SYT14: variants seen among roughly 807,000 people sequenced by gnomAD.
SYT14 encodes the protein synaptotagmin-14.
Under a neutral mutation model 74.2 loss-of-function variants are expected in SYT14, and 32 were observed. The ratio of observed to expected loss-of-function variants is 0.43; its 90% CI spans 0.33 to 0.58. The LOEUF (loss-of-function observed/expected upper bound fraction) is 0.58, where lower values mean the gene tolerates loss of function less well. Ranked by LOEUF, SYT14 falls within the 20% of genes least tolerant of loss-of-function variation. The pLI is 0.05. For synonymous variants in SYT14, 298 were observed against 337.7 expected (o/e 0.88, Z 1.29); for missense variants, 791 against 981.8 (o/e 0.81, Z 2.60).
At chr1:210,094,352 C>T (rs2081930514) in exon 6 of SYT14, 2 of 1,613,598 alleles carry the variant, frequency 1.2e-6, no homozygotes, top group Non-Finnish European at 8.5e-7. Context: ...AGAAGAACAC[C>T]CCCGCTGGAT....
At chr1:210,121,358 A>G (rs2082457698) in intron 7 of SYT14, among the ~76,000 whole-genome samples, 1 of 152,214 alleles carries the variant, frequency 6.6e-6, no homozygotes, top group African/African-American at 2.4e-5. Context: ...TTCAAGTTTC[A>G]AAATCAGAAG....
At chr1:209,966,555 A>G (rs905228118) in intron 2 of SYT14, among the ~76,000 whole-genome samples, 7 of 152,222 alleles carry the variant, frequency 4.6e-5, no homozygotes, top group East Asian at 1.9e-4. Context: ...AGTCTTAAAC[A>G]TTTGATCAGA....
exon 10 of SYT14, chr1:210,164,901 A>C (rs759895437): frequency 2.0e-5 from 3 of 152,132 alleles, no homozygotes; most frequent in Non-Finnish European, 4.4e-5. Context: ...TGTCAACCAT[A>C]TTTAATATTG....
chr1:209,969,750 A>T (rs1329458177), intron 2 of SYT14, among the ~76,000 whole-genome samples: 1 of 152,002 alleles, frequency 6.6e-6, no homozygotes, highest in Non-Finnish European at 1.5e-5. Flanking sequence ...AAGTACTGGG[A>T]TTACAGGCGT....
chr1:210,073,397 A>T (rs1482302456), intron 5 of SYT14, among the ~76,000 whole-genome samples: 1 of 152,016 alleles, frequency 6.6e-6, no homozygotes, highest in Admixed American at 6.5e-5. Context: ...AATTGCTACT[A>T]TTTCAACCAT....
intron 5 of SYT14, among the ~76,000 whole-genome samples, chr1:210,091,716 T>C (rs1472178501): frequency 2.0e-5 from 3 of 152,178 alleles, no homozygotes; most frequent in South Asian, 4.1e-4. Context: ...TCCTGGATCC[T>C]ACATTGTTTA....
rs1191716469 is a variant in SYT14 at position 209,962,844 on chromosome 1, C to T, written c.-486+10088C>T. 5.3e-5 allele frequency among the ~76,000 whole-genome samples: 8 copies of T among 152,198 alleles called. No individual in the cohort carries two copies. The East Asian group carries it at 1.5e-3, about 29-fold the overall frequency. On this transcript the variant is annotated intron_variant, in intron 2 of 9. Transcript: ENST00000637265. ...CTATGAGAGCCCATCCTGTACCTCA[C>T]TAAGTTCTCCTTTACTCTGAAAAAG...
chr1:210,100,552 T>G (rs1278670375), intron 7 of SYT14, 91 bp downstream of exon 6: 4 of 1,295,568 alleles, frequency 3.1e-6, no homozygotes, highest in Non-Finnish European at 3.3e-6. Flanking sequence ...GCCAACAAGT[T>G]TGTCAGTCTA....
At chr1:209,973,228 T>C (rs190540081) in intron 2 of SYT14, among the ~76,000 whole-genome samples, 3 of 152,326 alleles carry the variant, frequency 2.0e-5, no homozygotes, top group African/African-American at 4.8e-5. Flanking sequence ...TTTTTTATTA[T>C]ACTTTAAGTT....
chr1:210,141,684 G>T (rs1406029129), intron 7 of SYT14, among the ~76,000 whole-genome samples: 5 of 152,202 alleles, frequency 3.3e-5, no homozygotes, highest in Non-Finnish European at 7.4e-5. Flanking sequence ...CAACTGGACA[G>T]AGATTTCATT....
intron 5 of SYT14, among the ~76,000 whole-genome samples, chr1:210,068,555 TATTGA>T (rs2102435048): frequency 6.6e-6 from 1 of 151,942 alleles, no homozygotes; most frequent in African/African-American, 2.4e-5. Flanking sequence ...GATAGATTTT[TATTGA>T]TTTAATACTT....
chr1:210,043,143 G>A lies in SYT14; in HGVS notation c.1312+21889G>A, dbSNP rs116737138. ...GTGAATGGGAGTTCACTCATGATTT[G>A]GCTCTCTGCAGGGGCAGATTGTAGA... On this transcript the variant is annotated intron_variant, in intron 5 of 9. Coordinates refer to ENST00000637265, the Ensembl canonical transcript of SYT14. Among the ~76,000 whole-genome samples, 475 of 152,192 alleles carry A rather than the reference G, an allele frequency of 3.1e-3. 2 individuals are homozygous for A. Among genetic ancestry groups the A allele is most frequent in the African/African-American group, 0.011 (439 of 41,528 alleles).
chr1:210,128,833 T>C (rs1558208960), intron 7 of SYT14, among the ~76,000 whole-genome samples: 1 of 152,204 alleles, frequency 6.6e-6, no homozygotes, highest in Non-Finnish European at 1.5e-5. Flanking sequence ...TCAGAACCAC[T>C]GATACATAAA....
At chr1:210,014,892 T>C (rs1198075575) in intron 3 of SYT14, among the ~76,000 whole-genome samples, 3 of 152,096 alleles carry the variant, frequency 2.0e-5, no homozygotes, top group Admixed American at 2.0e-4. Context: ...TTTTAAATTT[T>C]ATTGAGTAGT....
At chr1:210,042,070 A>G (rs963332809) in intron 5 of SYT14, among the ~76,000 whole-genome samples, 1 of 151,976 alleles carries the variant, frequency 6.6e-6, no homozygotes, top group Non-Finnish European at 1.5e-5. Context: ...TTCTGAGTGC[A>G]TTCTACAGTT....
chr1:210,021,531 A>G (rs2080303698), intron 5 of SYT14, among the ~76,000 whole-genome samples: 2 of 152,250 alleles, frequency 1.3e-5, no homozygotes, highest in African/African-American at 2.4e-5. Flanking sequence ...CAAGCATGAT[A>G]TGAAAGATGT....
At chr1:210,009,756 G>A (rs553135931) in intron 2 of SYT14, among the ~76,000 whole-genome samples, 1 of 152,158 alleles carries the variant, frequency 6.6e-6, no homozygotes, top group South Asian at 2.1e-4. Flanking sequence ...GGCATTTCCA[G>A]TGTAGCATGT....
chr1:210,143,928 A>G (rs1233966580), intron 7 of SYT14, among the ~76,000 whole-genome samples: 1 of 152,178 alleles, frequency 6.6e-6, no homozygotes, highest in Non-Finnish European at 1.5e-5. Flanking sequence ...AAAATTGAGA[A>G]TAAAATTTTC....
Position 210,162,765 on chromosome 1 carries a change from A to AT in SYT14, c.*1730dup, listed in dbSNP as rs1558233860. The AT allele has an allele frequency of 2.0e-5, 9 of 445,290 alleles. No individual in the cohort carries two copies. The Admixed American group carries it at 2.2e-4, about 11-fold the overall frequency. The allele number at this position is 445,290 out of a possible 1,614,324, so 27.6% of individuals were successfully genotyped here. A position where few individuals can be genotyped will look rare whatever the true frequency, so the allele number is the denominator to read the frequency against. On this transcript the variant is annotated 3_prime_UTR_variant, in exon 10 of 10. Coordinates refer to ENST00000637265, the Ensembl canonical transcript of SYT14. ...ACCCAAAAAGACCGTGAACTTCTGTATTTTTTTAGTTTAAAAAATGGCAGC... is the reference window on the plus strand; with the variant it reads ...ACCCAAAAAGACCGTGAACTTCTGTATTTTTTTTAGTTTAAAAAATGGCAGC...
Sources: gnomAD v4.1 joint callset for allele counts (sites outside exome capture counted in the v4.1 genomes callset) on GRCh38, gnomAD v4.1.1 for gene constraint, MANE v1.5 for transcripts, NCBI Gene and HGNC (gene_info 2026-07-23, HGNC 2026-07-21) for gene names.